The following APOBEC3B variants were observed in gnomAD, a reference collection of about 807,000 sequenced individuals.
The protein encoded by APOBEC3B is apolipoprotein B mRNA editing enzyme catalytic subunit 3B, also known as DNA dC->dU-editing enzyme APOBEC-3B.
APOBEC3B carries 29 observed loss-of-function variants against 53.4 expected under a neutral mutation model. That is an observed-to-expected ratio of 0.54 (90% confidence interval 0.40 to 0.74). The LOEUF (loss-of-function observed/expected upper bound fraction) is 0.74, where lower values mean the gene tolerates loss of function less well. APOBEC3B is among the 30% of genes least tolerant of loss of function. The pLI, the probability that APOBEC3B is intolerant of heterozygous loss-of-function variation, is 0.00. For synonymous variants in APOBEC3B, 132 were observed against 184.8 expected (o/e 0.71, Z 2.32); for missense variants, 347 against 496.2 (o/e 0.70, Z 2.86).
rs1418055714 is a variant in APOBEC3B at position 38,986,293 on chromosome 22, C to T, written c.455-5C>T. Reference sequence around the variant, plus strand: ...GCCTGACTGCTTCCCGCTTCTTCATCTCAGAATTTGCATACTGCTGGGAAA... The same window carrying T: ...GCCTGACTGCTTCCCGCTTCTTCATTTCAGAATTTGCATACTGCTGGGAAA... On this transcript the variant is annotated splice_polypyrimidine_tract_variant and splice_region_variant and intron_variant, in intron 3 of 7. Transcript: ENST00000333467. 10 of 1,592,820 alleles carry T rather than the reference C, an allele frequency of 6.3e-6. 1 individual carries two copies. The highest frequency in any genetic ancestry group is 6.0e-6 in the Non-Finnish European group (7 of 1,171,916).
intron 4 of APOBEC3B, among the ~76,000 whole-genome samples, chr22:38,987,265 C>T (rs1285680058): frequency 1.3e-5 from 2 of 148,380 alleles, no homozygotes; most frequent in East Asian, 2.3e-4. Flanking sequence ...CCTGGCCTCC[C>T]CCTGTCCCAG....
At position 38,985,747 on chromosome 22, in the gene APOBEC3B, C is replaced by A. The variant is rs1923705499; in HGVS notation, c.175-65C>A. ...CCTGTCCTGGCCCCTCCTCTCCCTG[C>A]CCCACCCCTGCACTCCTCCTGCTCC... On this transcript the variant is annotated intron_variant, in intron 2 of 7. Coordinates refer to ENST00000333467, the MANE Select transcript of APOBEC3B (RefSeq NM_004900.5). The A allele has an allele frequency of 2.5e-5, 35 of 1,376,016 alleles. 1 individual carries two copies. The highest frequency in any genetic ancestry group is 3.4e-5 in the Non-Finnish European group (35 of 1,014,732). The allele number at this position is 1,376,016 out of a possible 1,614,324, so 85.2% of individuals were successfully genotyped here.
rs753367208 is a variant in APOBEC3B at position 38,985,961 on chromosome 22, G to A, written c.324G>A (p.Leu108=). ...PDCVAKLAEF[L]SEHPNVTLTI... is the part of the protein sequence containing the mutation. The stretch of plus-strand genomic sequence containing the variant: ...GTGTGGCGAAGCTGGCCGAATTCCT[G>A]TCTGAGCACCCCAATGTCACCCTGA... The change falls in exon 3 of 8, where the codon CTG becomes CTA. Residue 108 remains leucine, a synonymous_variant. Transcript: ENST00000333467. 6.2e-6 allele frequency: 10 copies of A among 1,601,418 alleles called. 1 individual carries two copies. Among genetic ancestry groups the A allele is most frequent in the Non-Finnish European group, 7.7e-6 (9 of 1,176,424 alleles).
intron 2 of APOBEC3B, among the ~76,000 whole-genome samples, chr22:38,985,399 C>T (rs1923694319): frequency 6.7e-6 from 1 of 148,320 alleles, no homozygotes; most frequent in South Asian, 2.2e-4. Flanking sequence ...TCAGGGGATG[C>T]TCCAGACAGA....
At position 38,986,390 on chromosome 22, in the gene APOBEC3B, C is replaced by T. The variant is rs771690446; in HGVS notation, c.547C>T (p.Arg183Cys). 71 of 1,593,644 alleles carry T rather than the reference C, an allele frequency of 4.5e-5. 7 individuals are homozygous for T. Among genetic ancestry groups the T allele is most frequent in the Middle Eastern group, 3.3e-4 (2 of 6,022 alleles). The change falls in exon 4 of 8, where the codon CGC (arginine) becomes TGC (cysteine). Residue 183 changes from arginine to cysteine, a missense_variant. This residue lies in a region of APOBEC3B where 156 missense variants were observed against 166.7 expected (regional missense o/e 0.94). Transcript: ENST00000333467. ...CGATGAAAATTATGCATTCCTGCAC[C>T]GCACGCTAAAGGAGATTCTCAGGTG... ...KFDENYAFLHRTLKEILRYLM... is the reference protein window; with the variant it reads ...KFDENYAFLHCTLKEILRYLM...
chr22:38,982,638 G>A (rs1923579210), intron 1 of APOBEC3B, among the ~76,000 whole-genome samples, 168 bp downstream of exon 1: 1 of 146,204 alleles, frequency 6.8e-6, no homozygotes, highest in Admixed American at 7.1e-5. Context: ...CTGCTGTGTG[G>A]TCACCCCACT....
chr22:38,992,009 A>G lies in APOBEC3B; in HGVS notation c.1019-25A>G, dbSNP rs1270277472. The G allele has an allele frequency of 1.2e-5, 18 of 1,552,660 alleles. 1 individual carries two copies. Among genetic ancestry groups the G allele is most frequent in the Non-Finnish European group, 1.6e-5 (18 of 1,150,916 alleles). ...GCCCCCTCCCCACAACAGGAGCGTG[A>G]CTTATCTCCCCTGTCCCTTTTCAGA... On this transcript the variant is annotated intron_variant, in intron 6 of 7. Transcript: ENST00000333467.
intron 2 of APOBEC3B, 99 bp downstream of exon 2, chr22:38,984,330 C>G: frequency 7.2e-7 from 1 of 1,386,744 alleles, no homozygotes; most frequent in Non-Finnish European, 9.6e-7. Flanking sequence ...TTTAGGTGCA[C>G]TGGTTCAGCA....
chr22:38,987,298 C>T (rs1478768032), intron 4 of APOBEC3B, among the ~76,000 whole-genome samples: 1 of 147,808 alleles, frequency 6.8e-6, no homozygotes. Flanking sequence ...GCTCTCTCCC[C>T]TCCTGTTCCT....
chr22:38,985,274 C>G (rs1923690286), intron 2 of APOBEC3B, among the ~76,000 whole-genome samples: 1 of 147,762 alleles, frequency 6.8e-6, no homozygotes, highest in Non-Finnish European at 1.5e-5. Flanking sequence ...TCTTTGTTGC[C>G]TGGGCTGGAG....
chr22:38,982,811 A>C (rs1277641332), intron 1 of APOBEC3B, among the ~76,000 whole-genome samples: 2 of 148,838 alleles, frequency 1.3e-5, no homozygotes, highest in African/African-American at 2.4e-5. Context: ...GAATTGAACC[A>C]AAGGGTAATT....
At chr22:38,984,336 C>A in intron 2 of APOBEC3B, 105 bp downstream of exon 2, 1 of 1,338,168 alleles carries the variant, frequency 7.5e-7, no homozygotes, top group Non-Finnish European at 1.0e-6. Context: ...TGCACTGGTT[C>A]AGCAGACTCA....
intron 4 of APOBEC3B, among the ~76,000 whole-genome samples, 180 bp downstream of exon 4, chr22:38,986,592 C>T (rs182670699): frequency 6.8e-6 from 1 of 147,514 alleles, no homozygotes; most frequent in Non-Finnish European, 1.5e-5. Flanking sequence ...TTTCCTGGGC[C>T]CTTCCTGTGA....
intron 2 of APOBEC3B, among the ~76,000 whole-genome samples, 191 bp from the exon 3 acceptor site, chr22:38,985,621 A>G (rs550993284): frequency 6.8e-6 from 1 of 148,108 alleles, no homozygotes; most frequent in East Asian, 2.3e-4. Flanking sequence ...AGGCCATTAC[A>G]ATAGCCATTA....
Position 38,992,553 on chromosome 22 carries a change from C to A in APOBEC3B, c.*108C>A, listed in dbSNP as rs1603269438. ...GACCGTTCACCACCATCTCCAGCTG[C>A]TCACAGACACCAGCAAAGCAATGTG... On this transcript the variant is annotated 3_prime_UTR_variant, in exon 8 of 8. Transcript: ENST00000333467. 1 of 1,607,386 alleles carries A rather than the reference C, an allele frequency of 6.2e-7. No individual in the cohort carries two copies. The highest frequency in any genetic ancestry group is 8.5e-7 in the Non-Finnish European group (1 of 1,174,808).
intron 4 of APOBEC3B, among the ~76,000 whole-genome samples, chr22:38,987,406 A>G (rs1367234889): frequency 6.8e-6 from 1 of 147,184 alleles, no homozygotes; most frequent in African/African-American, 2.5e-5. Context: ...CCCAGGCCAG[A>G]CCCCCTGCTG....
In APOBEC3B at chr22:38,992,738, T is replaced by G. The variant is rs1924063825; in HGVS notation, c.*293T>G. On this transcript the variant is annotated 3_prime_UTR_variant, in exon 8 of 8. Transcript: ENST00000333467. ...TTAATTGGCTCCATATTTAGACTAA[T>G]AAAACATTAAGAATCTTCCATAATT... The G allele has an allele frequency of 6.6e-6, 5 of 755,440 alleles. No homozygotes were observed. The highest frequency in any genetic ancestry group is 3.0e-5 in the Admixed American group (1 of 32,820). The allele number at this position is 755,440 out of a possible 1,614,324, so 46.8% of individuals were successfully genotyped here.
intron 1 of APOBEC3B, among the ~76,000 whole-genome samples, chr22:38,983,447 T>C (rs1475029089): frequency 6.7e-6 from 1 of 149,054 alleles, no homozygotes; most frequent in Admixed American, 6.9e-5. Context: ...AGCTTTCTCC[T>C]ACAGGATCCG....
At chr22:38,988,699 T>TC (rs1923852741) in intron 4 of APOBEC3B, among the ~76,000 whole-genome samples, 8 of 94,970 alleles carry the variant, frequency 8.4e-5, no homozygotes, top group African/African-American at 3.4e-4. Context: ...CTTTCTTTCT[T>TC]TCTTTCTTTC....
Sources: gnomAD v4.1 joint callset for allele counts (sites outside exome capture counted in the v4.1 genomes callset) on GRCh38, gnomAD v4.1.1 for gene constraint, gnomAD v4.1.1 regional missense constraint, MANE v1.5 for transcripts, NCBI Gene and HGNC (gene_info 2026-07-23, HGNC 2026-07-21) for gene names.